PSD3: variants seen among roughly 807,000 people sequenced by gnomAD.
PSD3 encodes pleckstrin and Sec7 domain containing 3.
In PSD3, 49 loss-of-function variants were observed where a neutral mutation model predicts 105.5. The ratio of observed to expected loss-of-function variants is 0.46; its 90% CI spans 0.37 to 0.59. The LOEUF is 0.59. Among genes scored for constraint, PSD3 ranks in the 20% least tolerant of loss-of-function variants. The probability of loss-of-function intolerance (pLI) is 0.00; values close to 1 mark genes in which losing one functional copy is unlikely to be tolerated. For synonymous variants in PSD3, 557 were observed against 457.8 expected, an observed-to-expected ratio of 1.22 and a Z score of -2.77; for missense variants, 1,561 against 1,263.8, an observed-to-expected ratio of 1.24 and a Z score of -3.57.
chr8:18,927,588 C>T (rs139169939), intron 2 of PSD3, among the ~76,000 whole-genome samples: 369 of 152,270 alleles, frequency 2.4e-3, no homozygotes, highest in African/African-American at 8.4e-3. Context: ...TTCAGCCCTT[C>T]GCTCCTCCCA....
chr8:19,070,924 G>C (rs997262731), intron 1 of PSD3, among the ~76,000 whole-genome samples: 1 of 152,078 alleles, frequency 6.6e-6, no homozygotes, highest in Non-Finnish European at 1.5e-5. Context: ...CTTTAGTTAG[G>C]CTAGGCAGGC....
intron 4 of PSD3, among the ~76,000 whole-genome samples, chr8:18,817,206 C>A (rs1165005111): frequency 1.3e-5 from 2 of 152,186 alleles, no homozygotes; most frequent in African/African-American, 4.8e-5. Context: ...TCTCCAACTT[C>A]CACAATCGGA....
In PSD3 at chr8:18,882,864, C is replaced by T. The variant is rs139857239; in HGVS notation, c.131-10131G>A. Reference sequence around the variant, plus strand: ...ATATATATACACACACACACACACACGCACGCACACACACACAGATATCCA... The same window carrying T: ...ATATATATACACACACACACACACATGCACGCACACACACACAGATATCCA... On this transcript the variant is annotated intron_variant, in intron 2 of 15. Coordinates refer to ENST00000327040, the MANE Select transcript of PSD3 (RefSeq NM_015310.4). 9.0e-4 allele frequency among the ~76,000 whole-genome samples: 137 copies of T among 151,662 alleles called. No homozygotes were observed. In the East Asian group the frequency reaches 0.018, roughly 20 times the overall value.
intron 4 of PSD3, among the ~76,000 whole-genome samples, chr8:18,848,244 A>T (rs921913539): frequency 6.6e-6 from 1 of 152,252 alleles, no homozygotes; most frequent in Non-Finnish European, 1.5e-5. Flanking sequence ...GACAGTCTTC[A>T]GATGTGTTTT....
chr8:18,816,821 G>C (rs938749526), intron 4 of PSD3, among the ~76,000 whole-genome samples: 8 of 151,268 alleles, frequency 5.3e-5, no homozygotes, highest in African/African-American at 1.9e-4. Context: ...ATCAACAGAT[G>C]AAAGTCCTTG....
intron 1 of PSD3, among the ~76,000 whole-genome samples, chr8:18,964,193 T>A (rs1193831008): frequency 6.6e-6 from 1 of 152,220 alleles, no homozygotes; most frequent in Non-Finnish European, 1.5e-5. Context: ...GGTGTGATCA[T>A]GGCTCAATGC....
chr8:18,900,573 C>T (rs193091), intron 2 of PSD3, among the ~76,000 whole-genome samples: 51,532 of 150,532 alleles, frequency 0.34, 9,767 homozygotes, highest in African/African-American at 0.47. Flanking sequence ...ATGGGTTCCA[C>T]GGTGTTATTA....
intron 4 of PSD3, among the ~76,000 whole-genome samples, chr8:18,813,716 A>G (rs1811920435): frequency 6.6e-6 from 1 of 152,192 alleles, no homozygotes; most frequent in Admixed American, 6.5e-5. Flanking sequence ...TCCAGTGGTC[A>G]CCAGTTCTGG....
At chr8:18,899,771 C>CA (rs1819384761) in intron 2 of PSD3, among the ~76,000 whole-genome samples, 1 of 152,056 alleles carries the variant, frequency 6.6e-6, no homozygotes, top group Non-Finnish European at 1.5e-5. Flanking sequence ...TCTTGTTGTT[C>CA]AGGTCTTCTT....
chr8:18,667,438 C>T (rs2130898078), intron 9 of PSD3, among the ~76,000 whole-genome samples: 1 of 152,258 alleles, frequency 6.6e-6, no homozygotes, highest in Non-Finnish European at 1.5e-5. Context: ...ATTCCCAAGC[C>T]CTTAGCTAGA....
At chr8:19,064,581 A>T (rs1039027891) in intron 1 of PSD3, among the ~76,000 whole-genome samples, 1 of 152,156 alleles carries the variant, frequency 6.6e-6, no homozygotes, top group Non-Finnish European at 1.5e-5. Flanking sequence ...TACCGAGATA[A>T]TCTAAACGCT....
intron 2 of PSD3, among the ~76,000 whole-genome samples, chr8:18,912,169 C>T (rs940494821): frequency 6.6e-6 from 1 of 152,132 alleles, no homozygotes; most frequent in African/African-American, 2.4e-5. Flanking sequence ...AATCCCAGAT[C>T]CTTATTTCAT....
At chr8:18,684,245 CACACA>C (rs1563169378) in intron 9 of PSD3, 37 of 204,892 alleles carry the variant, frequency 1.8e-4, no homozygotes, top group Middle Eastern at 1.8e-3. Flanking sequence ...CACACACACA[CACACA>C]CCCCATCATA....
chr8:18,726,322 A>G (rs1216727787), intron 9 of PSD3, among the ~76,000 whole-genome samples: 2 of 152,260 alleles, frequency 1.3e-5, no homozygotes, highest in African/African-American at 4.8e-5. Context: ...TTAATGAAAT[A>G]ACAGCTTAGA....
intron 9 of PSD3, among the ~76,000 whole-genome samples, chr8:18,657,668 A>T (rs10109948): frequency 0.43 from 65,543 of 151,982 alleles, 14,560 homozygotes; most frequent in South Asian, 0.53. Context: ...AGAGTTGAAA[A>T]CTGGCTCAAG....
At chr8:18,925,746 C>T (rs1478066214) in intron 2 of PSD3, among the ~76,000 whole-genome samples, 1 of 152,080 alleles carries the variant, frequency 6.6e-6, no homozygotes, top group African/African-American at 2.4e-5. Context: ...AAGTCAAAAA[C>T]TACTGTTAAC....
intron 11 of PSD3, among the ~76,000 whole-genome samples, chr8:18,616,684 C>A (rs1205558809): frequency 1.5e-5 from 2 of 133,720 alleles, no homozygotes; most frequent in Non-Finnish European, 3.1e-5. Flanking sequence ...AGTGCAGTGG[C>A]GGGATCTCGG....
chr8:18,978,337 T>C (rs1014877167), intron 1 of PSD3, among the ~76,000 whole-genome samples: 1 of 152,196 alleles, frequency 6.6e-6, no homozygotes, highest in Non-Finnish European at 1.5e-5. Context: ...CAGAAAATCA[T>C]TTTGCATGAT....
chr8:18,575,647 G>C (rs1196377495), intron 12 of PSD3, among the ~76,000 whole-genome samples: 2 of 152,124 alleles, frequency 1.3e-5, no homozygotes, highest in Non-Finnish European at 2.9e-5. Context: ...GTGTGATTTG[G>C]TTTCAGGATT....
Sources: allele counts gnomAD v4.1 joint callset (sites outside exome capture counted in the v4.1 genomes callset), GRCh38; gene constraint gnomAD v4.1.1; transcripts MANE v1.5; gene names NCBI Gene and HGNC (gene_info 2026-07-23, HGNC 2026-07-21).